LRIF1: variants seen among roughly 807,000 people sequenced by gnomAD.
LRIF1 encodes ligand dependent nuclear receptor interacting factor 1, also known as ligand-dependent nuclear receptor-interacting factor 1.
Under a neutral mutation model 52.7 loss-of-function variants are expected in LRIF1, and 32 were observed. That is an observed-to-expected ratio of 0.61 (90% CI 0.46 to 0.82). The LOEUF is 0.82. Ranked by LOEUF, LRIF1 falls within the 40% of genes least tolerant of loss-of-function variation. The probability of loss-of-function intolerance (pLI) is 0.00; values close to 1 mark genes in which losing one functional copy is unlikely to be tolerated. For missense variants in LRIF1, 887 were observed against 892.0 expected, an observed-to-expected ratio of 0.99 and a Z score of 0.07; for synonymous variants, 323 against 317.4, an observed-to-expected ratio of 1.02 and a Z score of -0.19.
the LRIF1 span, chr1:110,899,042 T>C: frequency 1.9e-6 from 2 of 1,041,818 alleles, no homozygotes; most frequent in African/African-American, 3.1e-5. Flanking sequence ...ATACATTCTT[T>C]TTCTCAGAGG....
Position 110,952,440 on chromosome 1 carries a change from T to A in LRIF1, c.444A>T (p.Gln148His), listed in dbSNP as rs765366027. The A allele has an allele frequency of 1.2e-6, 2 of 1,611,616 alleles. No homozygotes were observed. Among genetic ancestry groups the A allele is most frequent in the African/African-American group, 2.7e-5 (2 of 75,014 alleles). The change falls in exon 2 of 4, where the codon CAA (glutamine) becomes CAT (histidine). Residue 148 changes from glutamine (Q) to histidine (H), a missense_variant. Transcript: ENST00000369763. ...HGVKIDGLTM[Q>H]TFAVPPSTQK... The stretch of plus-strand genomic sequence containing the variant: ...GTGTTGAGGGAGGAACAGCAAATGT[T>A]TGCATGGTGAGTCCATCAATTTTCA...
At chr1:110,944,714 T>C (rs1031199000), downstream of LRIF1, 1 of 152,144 alleles carries the variant, frequency 6.6e-6, no homozygotes, top group Non-Finnish European at 1.5e-5. Context: ...TCATTAAAAA[T>C]TTTAAAAACA....
Position 110,952,639 on chromosome 1 carries a change from G to C in LRIF1, c.245C>G (p.Thr82Ser), listed in dbSNP as rs146305225. The C allele has an allele frequency of 1.2e-6, 2 of 1,613,978 alleles. No homozygotes were observed. Among genetic ancestry groups the C allele is most frequent in the African/African-American group, 2.7e-5 (2 of 74,938 alleles). Residue 82 changes from threonine (T) to serine (S), a missense_variant, in exon 2 of 4, where the codon ACT becomes AGT. Thr to Ser is a moderately conservative substitution (Grantham distance 58). Coordinates refer to ENST00000369763, the MANE Select transcript of LRIF1 (RefSeq NM_018372.4). ...ACTTGTGGAAGAGCTGGAAATCTGA[G>C]TCTGAAAAGTAACTTGAACTGGTTT... ...TGKPVQVTFQ[T>S]QISSSSTSAS... is the part of the protein sequence containing the mutation.
At position 110,951,888 on chromosome 1, in the gene LRIF1, T is replaced by A. The variant is rs769595613; in HGVS notation, c.996A>T (p.Ile332=). 57 of 1,613,976 alleles carry A rather than the reference T, an allele frequency of 3.5e-5. No homozygotes were observed. In the South Asian group the frequency reaches 6.3e-4, roughly 18 times the overall value. Residue 332 remains isoleucine (I), a synonymous_variant, in exon 2 of 4, where the codon ATA becomes ATT. Coordinates refer to ENST00000369763, the MANE Select transcript of LRIF1 (RefSeq NM_018372.4). Reference sequence around the variant, plus strand: ...CGATGGTACTCAATGGTGGCATATTTATAGTATTATCTCCCAAATTTTTCC... The same window carrying A: ...CGATGGTACTCAATGGTGGCATATTAATAGTATTATCTCCCAAATTTTTCC... ...VDRKNLGDNT[I]NMPPLSTIDP...
chr1:110,894,548 T>TA, the LRIF1 span: 1 of 611,734 alleles, frequency 1.6e-6, no homozygotes, highest in Non-Finnish European at 2.9e-6. Context: ...TAATTGTAAT[T>TA]GGGGGGAAAA....
chr1:110,901,487 T>TTC, the LRIF1 span, among the ~76,000 whole-genome samples: 2 of 148,842 alleles, frequency 1.3e-5, no homozygotes, highest in African/African-American at 4.9e-5. Context: ...CTTTTTTTTT[T>TTC]TTTTTTTTTA....
chr1:110,951,515 G>A lies in LRIF1; in HGVS notation c.1369C>T (p.Pro457Ser). The change falls in exon 2 of 4, where the codon CCA becomes TCA. Residue 457 changes from proline (P) to serine (S), a missense_variant. By Grantham distance (74) the Pro-to-Ser change is moderately conservative (BLOSUM62 -1). Coordinates refer to ENST00000369763, the MANE Select transcript of LRIF1 (RefSeq NM_018372.4). ...TAGTTACTGGATTGGTTCATATGTG[G>A]ATTTGTGGTAGAAGGAGATGGTTTC... The part of the protein sequence containing the change: ...VEKPSPSTTN[P>S]HMNQSSNYLK... 1 of 1,614,148 alleles carries A rather than the reference G, an allele frequency of 6.2e-7. No individual in the cohort carries two copies. Among genetic ancestry groups the A allele is most frequent in the Non-Finnish European group, 8.5e-7 (1 of 1,180,008 alleles).
the LRIF1 span, chr1:110,899,184 A>G: frequency 3.7e-6 from 6 of 1,612,970 alleles, no homozygotes; most frequent in South Asian, 5.5e-5. Flanking sequence ...CAGCCAGACC[A>G]TAGGGCTATG....
chr1:110,892,325 TGTG>T, the LRIF1 span: 1 of 1,603,132 alleles, frequency 6.2e-7, no homozygotes, highest in Admixed American at 1.7e-5. Context: ...TTCAGGATGT[TGTG>T]GGATTCTTCC....
the LRIF1 span, among the ~76,000 whole-genome samples, chr1:110,936,164 C>T: frequency 3.9e-5 from 6 of 152,086 alleles, no homozygotes; most frequent in African/African-American, 1.4e-4. Context: ...TGAGGGCTTT[C>T]ATCAACACCA....
chr1:110,963,457 T>C, intron 1 of LRIF1, 164 bp downstream of exon 1: 1 of 529,218 alleles, frequency 1.9e-6, no homozygotes, highest in Non-Finnish European at 3.4e-6. Flanking sequence ...GAAAGCGCTC[T>C]ATGGGCTTTA....
chr1:110,947,932 AT>A lies in LRIF1; in HGVS notation c.*26del. ...CTGAAGTATATTTTAAAAAACAGCT[AT>A]TTCACTGAAGTCTTTACAGGAGATT... is the stretch of plus-strand genomic sequence containing the variant. On this transcript the variant is annotated 3_prime_UTR_variant, in exon 4 of 4. Transcript: ENST00000369763. 6.5e-7 allele frequency: 1 copy of A among 1,544,966 alleles called. No individual in the cohort carries two copies. Among genetic ancestry groups the A allele is most frequent in the Non-Finnish European group, 8.7e-7 (1 of 1,150,116 alleles).
chr1:110,943,775 A>C (rs1390187950), downstream of LRIF1: 2 of 152,088 alleles, frequency 1.3e-5, no homozygotes, highest in African/African-American at 4.8e-5. Flanking sequence ...CCCTGCTGGG[A>C]AAGTTATTTT....
the LRIF1 span, chr1:110,892,628 A>G: frequency 2.7e-5 from 27 of 1,017,978 alleles, no homozygotes; most frequent in Non-Finnish European, 3.7e-5. Context: ...ATAGGCACAG[A>G]AAGATCATAG....
At chr1:110,923,744 G>GC in the LRIF1 span, among the ~76,000 whole-genome samples, 1 of 152,114 alleles carries the variant, frequency 6.6e-6, no homozygotes, top group South Asian at 2.1e-4. Flanking sequence ...TTAAACAGGT[G>GC]CCAGAGTGAC....
the LRIF1 span, chr1:110,892,409 T>C: frequency 6.2e-7 from 1 of 1,613,990 alleles, no homozygotes. Context: ...TTCGGAGTGC[T>C]CTTCCATAAC....
chr1:110,956,141 G>C (rs1232036869), intron 1 of LRIF1, among the ~76,000 whole-genome samples: 1 of 152,180 alleles, frequency 6.6e-6, no homozygotes, highest in Non-Finnish European at 1.5e-5. Context: ...AAGATTTGAG[G>C]ATAATCAAAG....
chr1:110,941,590 A>AC, the LRIF1 span: 1 of 152,094 alleles, frequency 6.6e-6, no homozygotes, highest in Non-Finnish European at 1.5e-5. Flanking sequence ...AAAGATACTT[A>AC]GAGTTACCTA....
the LRIF1 span, among the ~76,000 whole-genome samples, chr1:110,928,874 G>T: frequency 6.6e-6 from 1 of 152,276 alleles, no homozygotes; most frequent in Admixed American, 6.5e-5. Context: ...AGGCCTTTTA[G>T]GTCATTGTGT....
Sources: gnomAD v4.1 joint callset for allele counts (sites outside exome capture counted in the v4.1 genomes callset) on GRCh38, gnomAD v4.1.1 for gene constraint, MANE v1.5 for transcripts, NCBI Gene and HGNC (gene_info 2026-07-23, HGNC 2026-07-21) for gene names.